Variants in RALGAPA1 observed in about 807,000 individuals in gnomAD.
RALGAPA1 encodes Ral GTPase activating protein catalytic subunit alpha 1.
In RALGAPA1, 52 loss-of-function variants were observed where a neutral mutation model predicts 269.6. The observed-to-expected ratio is 0.19, with a 90% CI of 0.15 to 0.24. The LOEUF is 0.24. RALGAPA1 is among the 10% of genes least tolerant of loss of function. The probability of loss-of-function intolerance (pLI) is 1.00; values close to 1 mark genes in which losing one functional copy is unlikely to be tolerated. For synonymous variants in RALGAPA1, 817 were observed against 1,008.3 expected (o/e 0.81, Z 3.60); for missense variants, 1,917 against 3,013.9 (o/e 0.64, Z 8.52).
At chr14:35,745,347 G>C (rs1410365157) in intron 10 of RALGAPA1, among the ~76,000 whole-genome samples, 1 of 151,644 alleles carries the variant, frequency 6.6e-6, no homozygotes, top group Non-Finnish European at 1.5e-5. Context: ...AAACAGTATG[G>C]TACCAGCATA....
chr14:35,688,947 C>A lies in RALGAPA1; in HGVS notation c.3464G>T (p.Arg1155Met). 8.0e-7 allele frequency: 1 copy of A among 1,242,334 alleles called. No individual in the cohort carries two copies. Among genetic ancestry groups the A allele is most frequent in the Non-Finnish European group, 1.0e-6 (1 of 994,014 alleles). The allele number at this position is 1,242,334 out of a possible 1,614,324, so 77.0% of individuals were successfully genotyped here. A position where few individuals can be genotyped will look rare whatever the true frequency, so the allele number is the denominator to read the frequency against. Residue 1155 changes from arginine (R) to methionine (M), a missense_variant, in exon 18 of 42, where the codon AGG becomes ATG. Arg to Met is a moderately conservative substitution (Grantham distance 91). This residue lies in a region of RALGAPA1 where 615 missense variants were observed against 790.0 expected (regional missense o/e 0.78). Transcript: ENST00000680220. Reference sequence around the variant, plus strand: ...AAACTGAACGGACTCAGTGGATGGCCTAAAAGTAACATGAACACTATTTCG... The same window carrying A: ...AAACTGAACGGACTCAGTGGATGGCATAAAAGTAACATGAACACTATTTCG... ...KKRNSVHVTFRPSTESVQFYN... is the reference protein window; with the variant it reads ...KKRNSVHVTFMPSTESVQFYN...
chr14:35,727,483 T>C (rs921454548), intron 13 of RALGAPA1, among the ~76,000 whole-genome samples: 1 of 151,574 alleles, frequency 6.6e-6, no homozygotes, highest in Non-Finnish European at 1.5e-5. Context: ...AATTTTATGA[T>C]AAACATTTCA....
At chr14:35,598,607 A>T (rs2059075485) in intron 36 of RALGAPA1, among the ~76,000 whole-genome samples, 1 of 151,818 alleles carries the variant, frequency 6.6e-6, no homozygotes, top group African/African-American at 2.4e-5. Context: ...TTTAGTAGAG[A>T]GGGGGTTTCG....
chr14:35,614,595 C>T (rs959407864), intron 35 of RALGAPA1, among the ~76,000 whole-genome samples: 1 of 152,086 alleles, frequency 6.6e-6, no homozygotes, highest in Non-Finnish European at 1.5e-5. Context: ...TACCAGGTTT[C>T]TTTTCAGAGG....
intron 16 of RALGAPA1, chr14:35,706,509 C>T (rs899431072): frequency 6.6e-6 from 1 of 151,962 alleles, no homozygotes; most frequent in African/African-American, 2.4e-5. Flanking sequence ...CCATACCATA[C>T]TTTCTTGATT....
At chr14:35,573,474 T>C (rs1291678691) in intron 37 of RALGAPA1, among the ~76,000 whole-genome samples, 1 of 152,154 alleles carries the variant, frequency 6.6e-6, no homozygotes, top group African/African-American at 2.4e-5. Context: ...GGATTTCCAT[T>C]AGTTTCAGAT....
Position 35,688,810 on chromosome 14 carries a change from T to C in RALGAPA1, c.3601A>G (p.Asn1201Asp). Residue 1201 changes from asparagine to aspartate, a missense_variant, in exon 18 of 42, where the codon AAT becomes GAT. By Grantham distance (23) the Asn-to-Asp change is conservative (BLOSUM62 1). Coordinates refer to ENST00000680220, the MANE Select transcript of RALGAPA1 (RefSeq NM_001346249.2). ...SSTSNTHTST[N>D]SATELVKPGV... ...GGTTTTACTAGCTCTGTAGCACTAT[T>C]TGTGCTGGTATGGGTGTTGCTAGTG... The C allele has an allele frequency of 1.4e-6, 2 of 1,394,990 alleles. No homozygotes were observed. The highest frequency in any genetic ancestry group is 2.5e-5 in the East Asian group (1 of 39,668). 86.4% of individuals were successfully genotyped at this position (1,394,990 alleles called of 1,614,324 possible).
In RALGAPA1 at chr14:35,549,244, T is replaced by C; in HGVS notation, c.7497-10A>G. The C allele has an allele frequency of 1.2e-6, 2 of 1,611,600 alleles. No homozygotes were observed. The highest frequency in any genetic ancestry group is 1.7e-6 in the Non-Finnish European group (2 of 1,178,512). ...TGCTCTCTCCTCATAGCTGATTTCC[T>C]TTGGTTAAGGATAAACTTAAGTGCA... On this transcript the variant is annotated splice_polypyrimidine_tract_variant and intron_variant, in intron 39 of 41. Coordinates refer to ENST00000680220, the MANE Select transcript of RALGAPA1 (RefSeq NM_001346249.2).
rs573523449 is a variant in RALGAPA1, at chr14:35,745,839, C to T, written c.1251+2746G>A. On this transcript the variant is annotated intron_variant, in intron 10 of 41. Coordinates refer to ENST00000680220, the MANE Select transcript of RALGAPA1 (RefSeq NM_001346249.2). ...GTGGCTCATGCCTTCAATCCCAGCA[C>T]GCTGGGAGGCCGACGAGAGAGGATG... 1.1e-4 allele frequency among the ~76,000 whole-genome samples: 17 copies of T among 150,434 alleles called. 1 individual carries two copies. The South Asian group carries it at 2.7e-3, about 24-fold the overall frequency.
At chr14:35,797,351 C>CAAAAAAAAAAAAAAA (rs530576211) in intron 1 of RALGAPA1, among the ~76,000 whole-genome samples, 3,366 of 59,426 alleles carry the variant, frequency 0.057, 285 homozygotes, top group Non-Finnish European at 0.068. Context: ...GACTCCGTCT[C>CAAAAAAAAAAAAAAA]AAAAAAAAAA....
intron 17 of RALGAPA1, among the ~76,000 whole-genome samples, chr14:35,692,076 T>A (rs1236271973): frequency 6.6e-6 from 1 of 152,130 alleles, no homozygotes; most frequent in Non-Finnish European, 1.5e-5. Flanking sequence ...GTTTTTTACA[T>A]CTGCCATAAG....
At chr14:35,545,469 T>C (rs1219636419) in intron 41 of RALGAPA1, among the ~76,000 whole-genome samples, 2 of 152,060 alleles carry the variant, frequency 1.3e-5, no homozygotes, top group Non-Finnish European at 2.9e-5. Flanking sequence ...ATTTTATTAA[T>C]TTTATAATAT....
At chr14:35,588,846 A>G (rs1465552123) in intron 37 of RALGAPA1, among the ~76,000 whole-genome samples, 1 of 152,218 alleles carries the variant, frequency 6.6e-6, no homozygotes, top group African/African-American at 2.4e-5. Context: ...CAGGATATGG[A>G]ATCAATCTAA....
At chr14:35,724,876 A>G (rs2069745737) in intron 14 of RALGAPA1, 148 bp downstream of exon 14, 2 of 591,380 alleles carry the variant, frequency 3.4e-6, no homozygotes, top group African/African-American at 3.9e-5. Context: ...AGATCCCTTA[A>G]TAAATAAGAA....
intron 41 of RALGAPA1, among the ~76,000 whole-genome samples, chr14:35,545,830 A>G (rs2054406369): frequency 1.3e-5 from 2 of 152,164 alleles, no homozygotes; most frequent in South Asian, 4.1e-4. Context: ...AGAAACATGT[A>G]CATATGAACA....
chr14:35,664,966 TA>T (rs1283228796), intron 26 of RALGAPA1, among the ~76,000 whole-genome samples, 199 bp from the exon 27 acceptor site: 1 of 152,168 alleles, frequency 6.6e-6, no homozygotes, highest in Non-Finnish European at 1.5e-5. Flanking sequence ...ATAAATGCAA[TA>T]AACAAGTAGC....
chr14:35,678,086 G>C lies in RALGAPA1; in HGVS notation c.4488C>G (p.Ser1496=). 2 of 1,604,476 alleles carry C rather than the reference G, an allele frequency of 1.2e-6. No individual in the cohort carries two copies. Among genetic ancestry groups the C allele is most frequent in the Non-Finnish European group, 1.7e-6 (2 of 1,177,764 alleles). Residue 1496 remains serine, a synonymous_variant, in exon 22 of 42, where the codon TCC becomes TCG. Transcript: ENST00000680220. Reference sequence around the variant, plus strand: ...TGGAGCCCAGAGGTGAGTGGACTGGGGAAGCACTTTCTGAACCTGTAAATA... The same window carrying C: ...TGGAGCCCAGAGGTGAGTGGACTGGCGAAGCACTTTCTGAACCTGTAAATA... ...VATITGSESA[S]PVHSPLGSRS... is the part of the protein sequence containing the mutation.
At chr14:35,695,059 G>A (rs769657963) in intron 17 of RALGAPA1, among the ~76,000 whole-genome samples, 6 of 151,986 alleles carry the variant, frequency 3.9e-5, no homozygotes, top group South Asian at 2.1e-4. Flanking sequence ...TAGGCTGGGC[G>A]ACACAGCAAG....
At chr14:35,771,626 A>G (rs1160038423) in intron 3 of RALGAPA1, among the ~76,000 whole-genome samples, 1 of 152,198 alleles carries the variant, frequency 6.6e-6, no homozygotes, top group African/African-American at 2.4e-5. Context: ...TAATTCTAAT[A>G]TATTTAAAAT....
Sources: allele counts gnomAD v4.1 joint callset (sites outside exome capture counted in the v4.1 genomes callset), GRCh38; gene constraint gnomAD v4.1.1; regional missense constraint gnomAD v4.1.1; transcripts MANE v1.5; gene names NCBI Gene and HGNC (gene_info 2026-07-23, HGNC 2026-07-21).